DNAJC6: variants seen among roughly 807,000 people sequenced by gnomAD.
DNAJC6 encodes DnaJ heat shock protein family (Hsp40) member C6.
A neutral mutation model predicts 110.0 loss-of-function variants in DNAJC6; 34 were observed. The observed-to-expected ratio is 0.31, with a 90% confidence interval of 0.24 to 0.41. The LOEUF (loss-of-function observed/expected upper bound fraction) is 0.41, where lower values mean the gene tolerates loss of function less well. Among genes scored for constraint, DNAJC6 ranks in the 10% least tolerant of loss-of-function variants. The pLI, the probability that DNAJC6 is intolerant of heterozygous loss-of-function variation, is 1.00. For missense variants in DNAJC6, 1,031 were observed against 1,207.8 expected (o/e 0.85, Z 2.17); for synonymous variants, 406 against 437.2 (o/e 0.93, Z 0.89).
At chr1:65,380,921 G>GTTTTTT (rs1162044500) in intron 5 of DNAJC6, among the ~76,000 whole-genome samples, 29 of 99,304 alleles carry the variant, frequency 2.9e-4, no homozygotes, top group African/African-American at 5.4e-4. Flanking sequence ...GTTTTGTTTT[G>GTTTTTT]TTTTTTTTTT....
chr1:65,283,726 C>A (rs752251261), intron 1 of DNAJC6, among the ~76,000 whole-genome samples: 1 of 152,148 alleles, frequency 6.6e-6, no homozygotes, highest in Non-Finnish European at 1.5e-5. Context: ...GAAAGCACTG[C>A]CAAACTATTT....
chr1:65,363,192 C>T (rs1006969490), intron 1 of DNAJC6, among the ~76,000 whole-genome samples: 3 of 152,170 alleles, frequency 2.0e-5, no homozygotes, highest in African/African-American at 7.2e-5. Context: ...CCAGGTTCCT[C>T]CCCTGACCCG....
chr1:65,392,450 A>G lies in DNAJC6; in HGVS notation c.1488A>G (p.Ser496=), dbSNP rs1645937039. Reference sequence around the variant, plus strand: ...CCTCAGATCAGAAATCGGAGAAGTCATTCTGTGAGGAGGACCACGCTGCCC... The same window carrying G: ...CCTCAGATCAGAAATCGGAGAAGTCGTTCTGTGAGGAGGACCACGCTGCCC... ...LCWQDQKSEK[S]FCEEDHAALV... is the part of the protein sequence containing the mutation. Residue 496 remains serine, a synonymous_variant, in exon 12 of 19, where the codon TCA becomes TCG. Transcript: ENST00000371069. 6.2e-7 allele frequency: 1 copy of G among 1,603,034 alleles called. No homozygotes were observed. Among genetic ancestry groups the G allele is most frequent in the Non-Finnish European group, 8.5e-7 (1 of 1,173,918 alleles).
intron 16 of DNAJC6, among the ~76,000 whole-genome samples, 167 bp downstream of exon 16, chr1:65,406,300 G>A (rs749719805): frequency 6.6e-6 from 1 of 151,748 alleles, no homozygotes; most frequent in Non-Finnish European, 1.5e-5. Flanking sequence ...TACCCCCAAC[G>A]CTGTACCTGG....
intron 1 of DNAJC6, among the ~76,000 whole-genome samples, chr1:65,283,703 C>A (rs1653922946): frequency 1.3e-5 from 2 of 152,140 alleles, no homozygotes; most frequent in South Asian, 4.1e-4. Context: ...ATGGTAAGTC[C>A]ATTTTCAATT....
chr1:65,384,563 A>G (rs562191592), intron 6 of DNAJC6, among the ~76,000 whole-genome samples: 27 of 152,324 alleles, frequency 1.8e-4, no homozygotes, highest in African/African-American at 6.0e-4. Flanking sequence ...TGGAAGGGGA[A>G]GGAGGAGCAA....
intron 4 of DNAJC6, among the ~76,000 whole-genome samples, chr1:65,374,792 T>G (rs1645743648): frequency 6.6e-6 from 1 of 152,162 alleles, no homozygotes; most frequent in Admixed American, 6.5e-5. Flanking sequence ...GCCTAATTGC[T>G]CTGGCCAGGA....
At chr1:65,383,494 C>T (rs1645842182) in intron 5 of DNAJC6, among the ~76,000 whole-genome samples, 1 of 152,104 alleles carries the variant, frequency 6.6e-6, no homozygotes, top group African/African-American at 2.4e-5. Context: ...TGAGGGCCTG[C>T]TTCTGGGGTG....
chr1:65,366,016 C>A, intron 3 of DNAJC6, 32 bp from the exon 4 acceptor site: 1 of 1,613,286 alleles, frequency 6.2e-7, no homozygotes, highest in Non-Finnish European at 8.5e-7. Flanking sequence ...AAACATTTAA[C>A]CTGTTTTCTT....
At chr1:65,344,378 C>A (rs192922942) in intron 1 of DNAJC6, among the ~76,000 whole-genome samples, 55 of 152,196 alleles carry the variant, frequency 3.6e-4, no homozygotes, top group African/African-American at 1.3e-3. Context: ...TGCATCACAC[C>A]CTTGAGCATG....
intron 15 of DNAJC6, 63 bp from the exon 16 acceptor site, chr1:65,405,807 A>T: frequency 1.3e-6 from 2 of 1,527,046 alleles, no homozygotes; most frequent in Non-Finnish European, 1.8e-6. Context: ...ACAGTGTCTT[A>T]AGACACAAGA....
At chr1:65,274,247 T>G (rs1653593539) in intron 1 of DNAJC6, among the ~76,000 whole-genome samples, 1 of 152,144 alleles carries the variant, frequency 6.6e-6, no homozygotes, top group Admixed American at 6.5e-5. Context: ...AATGTAGCTA[T>G]ACCAACTTTC....
At chr1:65,321,268 A>G (rs1354138811) in intron 1 of DNAJC6, among the ~76,000 whole-genome samples, 1 of 152,164 alleles carries the variant, frequency 6.6e-6, no homozygotes, top group African/African-American at 2.4e-5. Context: ...TGGTGCAATC[A>G]TAGCTCACTG....
At chr1:65,371,809 C>T (rs1403990277) in intron 4 of DNAJC6, among the ~76,000 whole-genome samples, 1 of 152,140 alleles carries the variant, frequency 6.6e-6, no homozygotes, top group South Asian at 2.1e-4. Flanking sequence ...GGAAAACTGG[C>T]GACAGCATTG....
At chr1:65,347,753 A>T (rs1183943739) in intron 1 of DNAJC6, among the ~76,000 whole-genome samples, 1 of 152,076 alleles carries the variant, frequency 6.6e-6, no homozygotes, top group Non-Finnish European at 1.5e-5. Context: ...ACACGTGCAC[A>T]CATACACACA....
chr1:65,327,803 A>G (rs1645254182), intron 1 of DNAJC6, among the ~76,000 whole-genome samples: 2 of 152,258 alleles, frequency 1.3e-5, no homozygotes, highest in South Asian at 4.1e-4. Flanking sequence ...ACCAAATAGA[A>G]TATTAAGATA....
intron 1 of DNAJC6, among the ~76,000 whole-genome samples, chr1:65,359,804 A>G (rs1295180163): frequency 2.6e-5 from 4 of 152,192 alleles, no homozygotes; most frequent in African/African-American, 9.6e-5. Flanking sequence ...TTAACTCTGC[A>G]TTGTAGCATG....
intron 1 of DNAJC6, among the ~76,000 whole-genome samples, chr1:65,292,108 C>T (rs551188107): frequency 5.3e-5 from 8 of 152,234 alleles, no homozygotes; most frequent in South Asian, 2.1e-4. Flanking sequence ...CCTCTGCCTC[C>T]CAGGTTCAAG....
chr1:65,350,555 T>A (rs1227791295), intron 1 of DNAJC6, among the ~76,000 whole-genome samples: 1 of 152,246 alleles, frequency 6.6e-6, no homozygotes, highest in Non-Finnish European at 1.5e-5. Flanking sequence ...GATGATACTT[T>A]GTTGGAAGTC....
Sources: gnomAD v4.1 joint callset for allele counts (sites outside exome capture counted in the v4.1 genomes callset) on GRCh38, gnomAD v4.1.1 for gene constraint, MANE v1.5 for transcripts, NCBI Gene and HGNC (gene_info 2026-07-23, HGNC 2026-07-21) for gene names.